The following CARNMT1 variants were observed in gnomAD, a reference collection of about 807,000 sequenced individuals.
CARNMT1 encodes the protein protein-L-histidine N-pros-methyltransferase CARNMT1.
Under a neutral mutation model 49.6 loss-of-function variants are expected in CARNMT1, and 28 were observed. The ratio of observed to expected loss-of-function variants is 0.56; its 90% CI spans 0.42 to 0.77. The LOEUF (loss-of-function observed/expected upper bound fraction) is 0.77, where lower values mean the gene tolerates loss of function less well. Ranked by LOEUF, CARNMT1 falls within the 30% of genes least tolerant of loss-of-function variation. CARNMT1 has a pLI of 0.00. For missense variants in CARNMT1, 421 were observed against 512.6 expected (o/e 0.82, Z 1.73); for synonymous variants, 178 against 175.0 (o/e 1.02, Z -0.13).
intron 6 of CARNMT1, among the ~76,000 whole-genome samples, chr9:74,988,892 CAT>C (rs1399808110): frequency 2.0e-5 from 3 of 152,286 alleles, no homozygotes; most frequent in Non-Finnish European, 1.5e-5. Context: ...TATTTTATAA[CAT>C]GTTACTGTTT....
At chr9:75,005,475 CTTTT>C (rs57445834) in intron 3 of CARNMT1, among the ~76,000 whole-genome samples, 3 of 132,124 alleles carry the variant, frequency 2.3e-5, no homozygotes, top group Non-Finnish European at 3.3e-5. Context: ...AGTATATGAT[CTTTT>C]TTTTTTTTTT....
intron 6 of CARNMT1, among the ~76,000 whole-genome samples, chr9:74,988,917 G>A (rs1832930220): frequency 6.6e-6 from 1 of 152,156 alleles, no homozygotes; most frequent in South Asian, 2.1e-4. Flanking sequence ...CTAGAAGAAA[G>A]TCATATCATT....
intron 4 of CARNMT1, among the ~76,000 whole-genome samples, chr9:74,999,125 T>C (rs1833283950): frequency 6.6e-6 from 1 of 152,208 alleles, no homozygotes; most frequent in Non-Finnish European, 1.5e-5. Context: ...ATTTTTTGTA[T>C]AACCCTCTTC....
Position 74,983,888 on chromosome 9 carries a change from C to A in CARNMT1, c.1129-20G>T. 1 of 1,545,530 alleles carries A rather than the reference C, an allele frequency of 6.5e-7. No homozygotes were observed. The highest frequency in any genetic ancestry group is 1.2e-5 in the South Asian group (1 of 84,078). ...TTCCACCTGCAATGCAAACAATAAT[C>A]ATAATACTATGACAGTCATCATGAC... is the stretch of plus-strand genomic sequence containing the variant. On this transcript the variant is annotated intron_variant, in intron 7 of 7. Coordinates refer to ENST00000376834, the MANE Select transcript of CARNMT1 (RefSeq NM_152420.3).
intron 2 of CARNMT1, 199 bp downstream of exon 2, chr9:75,017,054 C>T: frequency 2.0e-6 from 1 of 512,502 alleles, no homozygotes; most frequent in South Asian, 3.7e-5. Flanking sequence ...TATATTAGTA[C>T]TTAAAAAAGG....
intron 1 of CARNMT1, among the ~76,000 whole-genome samples, chr9:75,025,211 T>C (rs1822489012): frequency 6.6e-6 from 1 of 152,220 alleles, no homozygotes; most frequent in Non-Finnish European, 1.5e-5. Flanking sequence ...TGGCACGTCA[T>C]ATGGGACCCA....
intron 3 of CARNMT1, among the ~76,000 whole-genome samples, chr9:75,004,167 G>A (rs1314332815): frequency 2.0e-5 from 3 of 152,218 alleles, no homozygotes; most frequent in South Asian, 4.1e-4. Context: ...GAGCCACGGC[G>A]CCTGGCCAAG....
chr9:74,996,444 TACC>T lies in CARNMT1; in HGVS notation c.1024_1024+2del. 6.6e-7 allele frequency: 1 copy of T among 1,521,816 alleles called. No individual in the cohort carries two copies. The highest frequency in any genetic ancestry group is 9.0e-7 in the Non-Finnish European group (1 of 1,109,614). The allele number at this position is 1,521,816 out of a possible 1,614,324, so 94.3% of individuals were successfully genotyped here. ...AAATTTTAGTAAATACTAAAAAACT[TACC>T]TAGATTTATCCAAATTCCACCTGGC... On this transcript the variant is annotated splice_donor_variant and coding_sequence_variant, in exon 6 of 8. Transcript: ENST00000376834. LOFTEE classifies it high-confidence loss of function.
At chr9:75,006,785 C>T (rs1833523724) in intron 3 of CARNMT1, among the ~76,000 whole-genome samples, 1 of 152,086 alleles carries the variant, frequency 6.6e-6, no homozygotes, top group Non-Finnish European at 1.5e-5. Flanking sequence ...CTATTAGTAC[C>T]ATTTAGAGTT....
chr9:75,026,994 CAA>C (rs1822547712), intron 1 of CARNMT1: 2 of 911,894 alleles, frequency 2.2e-6, no homozygotes, highest in Admixed American at 4.8e-5. Flanking sequence ...ATAAGATGAA[CAA>C]TATAAAAAAA....
intron 3 of CARNMT1, among the ~76,000 whole-genome samples, chr9:75,010,509 A>T (rs1421250204): frequency 6.6e-6 from 1 of 152,114 alleles, no homozygotes; most frequent in East Asian, 1.9e-4. Context: ...AATTATCCAA[A>T]CTATACTATA....
At chr9:75,013,149 T>C (rs1022106794) in intron 3 of CARNMT1, among the ~76,000 whole-genome samples, 1 of 152,172 alleles carries the variant, frequency 6.6e-6, no homozygotes, top group African/African-American at 2.4e-5. Context: ...AGATGCATGA[T>C]GGAAAATCTC....
At chr9:75,020,777 G>T (rs1822324133) in intron 1 of CARNMT1, among the ~76,000 whole-genome samples, 1 of 152,124 alleles carries the variant, frequency 6.6e-6, no homozygotes, top group Non-Finnish European at 1.5e-5. Flanking sequence ...GGCTTGGTGT[G>T]GGGGGCCCTT....
intron 3 of CARNMT1, among the ~76,000 whole-genome samples, chr9:75,009,422 T>C (rs1181602131): frequency 1.3e-5 from 2 of 151,926 alleles, no homozygotes; most frequent in Non-Finnish European, 2.9e-5. Context: ...CTTTTCGGTG[T>C]AAGTAAGTAA....
chr9:74,993,642 C>T (rs1003091377), intron 6 of CARNMT1, among the ~76,000 whole-genome samples: 3 of 152,098 alleles, frequency 2.0e-5, no homozygotes, highest in African/African-American at 7.2e-5. Flanking sequence ...TCTGCCAACA[C>T]CCTCCACCCC....
At chr9:75,017,710 AAAG>A (rs771794878) in intron 1 of CARNMT1, among the ~76,000 whole-genome samples, 3 of 152,246 alleles carry the variant, frequency 2.0e-5, no homozygotes, top group African/African-American at 4.8e-5. Context: ...AGAAGAGGAA[AAAG>A]AAGATTAATG....
intron 3 of CARNMT1, among the ~76,000 whole-genome samples, chr9:75,006,333 T>C (rs1168383119): frequency 6.6e-6 from 1 of 152,190 alleles, no homozygotes; most frequent in Non-Finnish European, 1.5e-5. Context: ...ATTACAGGCA[T>C]GAGCCACCAC....
chr9:74,984,080 C>G (rs1221038075), intron 7 of CARNMT1, among the ~76,000 whole-genome samples: 1 of 152,162 alleles, frequency 6.6e-6, no homozygotes, highest in Non-Finnish European at 1.5e-5. Context: ...GAGATTCAAA[C>G]TCAGGCAGTC....
chr9:74,995,438 A>G (rs1357204353), intron 6 of CARNMT1, among the ~76,000 whole-genome samples: 1 of 152,158 alleles, frequency 6.6e-6, no homozygotes, highest in Non-Finnish European at 1.5e-5. Context: ...TTTCCTTGGG[A>G]AAAATTTCCC....
Sources: allele counts gnomAD v4.1 joint callset (sites outside exome capture counted in the v4.1 genomes callset), GRCh38; gene constraint gnomAD v4.1.1; transcripts MANE v1.5; gene names NCBI Gene and HGNC (gene_info 2026-07-23, HGNC 2026-07-21).